AKAP13: variants seen among roughly 807,000 people sequenced by gnomAD.
The protein encoded by AKAP13 is A-kinase anchoring protein 13.
AKAP13 carries 80 observed loss-of-function variants against 264.5 expected under a neutral mutation model. That is an observed-to-expected ratio of 0.30 (90% CI 0.25 to 0.36). The LOEUF is 0.36. AKAP13 is among the 10% of genes least tolerant of loss of function. AKAP13 has a pLI of 1.00. For synonymous variants in AKAP13, 1,380 were observed against 1,250.2 expected (o/e 1.10, Z -2.19); for missense variants, 3,712 against 3,435.2 (o/e 1.08, Z -2.01).
At chr15:85,409,813 A>G (rs535633585) in intron 1 of AKAP13, among the ~76,000 whole-genome samples, 1 of 150,714 alleles carries the variant, frequency 6.6e-6, no homozygotes, top group East Asian at 2.0e-4. Context: ...TTGTATTTTT[A>G]GTAGAGACGG....
intron 2 of AKAP13, among the ~76,000 whole-genome samples, chr15:85,493,735 C>G (rs1048607918): frequency 6.6e-6 from 1 of 152,142 alleles, no homozygotes; most frequent in Non-Finnish European, 1.5e-5. Flanking sequence ...TACATGCCCC[C>G]TTTGTCTCTA....
chr15:85,651,789 G>T (rs1196467482), intron 10 of AKAP13, among the ~76,000 whole-genome samples: 1 of 151,998 alleles, frequency 6.6e-6, no homozygotes, highest in Non-Finnish European at 1.5e-5. Flanking sequence ...TTTTCCCACC[G>T]CAGATTAGTT....
intron 2 of AKAP13, 91 bp downstream of exon 2, chr15:85,485,844 A>T (rs2075524574): frequency 7.8e-7 from 1 of 1,278,356 alleles, no homozygotes; most frequent in African/African-American, 1.5e-5. Context: ...ATAGATCCTC[A>T]AGGAAAATTT....
At chr15:85,433,440 C>T (rs116921527) in intron 1 of AKAP13, among the ~76,000 whole-genome samples, 2,220 of 152,126 alleles carry the variant, frequency 0.015, 26 homozygotes, top group Non-Finnish European at 0.023. Flanking sequence ...TGGGCATTTT[C>T]GCTTTCCTAC....
chr15:85,504,853 C>G (rs112026940), intron 2 of AKAP13, among the ~76,000 whole-genome samples: 1 of 152,060 alleles, frequency 6.6e-6, no homozygotes, highest in Non-Finnish European at 1.5e-5. Flanking sequence ...GAGACACTCT[C>G]GCTTGCTCTT....
At chr15:85,630,497 A>G (rs189667716) in intron 8 of AKAP13, among the ~76,000 whole-genome samples, 21 of 152,268 alleles carry the variant, frequency 1.4e-4, no homozygotes, top group African/African-American at 5.1e-4. Context: ...CCGACCTAAC[A>G]TTTTCACATC....
intron 1 of AKAP13, among the ~76,000 whole-genome samples, chr15:85,388,998 A>G (rs2070725550): frequency 6.6e-6 from 1 of 152,184 alleles, no homozygotes; most frequent in Non-Finnish European, 1.5e-5. Context: ...AAGCTCCTGT[A>G]GTTTTCATTG....
chr15:85,694,897 A>G (rs1275337274), intron 17 of AKAP13, among the ~76,000 whole-genome samples: 4 of 152,196 alleles, frequency 2.6e-5, no homozygotes, highest in Non-Finnish European at 5.9e-5. Flanking sequence ...GTTTTCAGTC[A>G]TTTATGTTGG....
intron 8 of AKAP13, among the ~76,000 whole-genome samples, chr15:85,591,710 C>T (rs1049852296): frequency 7.2e-5 from 11 of 152,070 alleles, no homozygotes; most frequent in Non-Finnish European, 1.0e-4. Context: ...AAACCAATAT[C>T]GTATGTTGTA....
chr15:85,439,949 A>G (rs965465225), intron 1 of AKAP13, among the ~76,000 whole-genome samples: 2 of 148,686 alleles, frequency 1.3e-5, no homozygotes, highest in African/African-American at 4.9e-5. Flanking sequence ...ATGCACATGT[A>G]CCCTAAAACT....
chr15:85,653,987 G>C (rs933211210), intron 10 of AKAP13, among the ~76,000 whole-genome samples: 1 of 152,158 alleles, frequency 6.6e-6, no homozygotes, highest in Non-Finnish European at 1.5e-5. Flanking sequence ...CAGTAGCTGG[G>C]ATTACAGGCA....
At chr15:85,646,336 G>A (rs911000670) in intron 10 of AKAP13, among the ~76,000 whole-genome samples, 1 of 152,036 alleles carries the variant, frequency 6.6e-6, no homozygotes, top group Non-Finnish European at 1.5e-5. Flanking sequence ...TTAGCTGGAC[G>A]TGCTCACTTG....
intron 5 of AKAP13, among the ~76,000 whole-genome samples, chr15:85,549,197 A>C (rs2077864726): frequency 6.6e-6 from 1 of 152,210 alleles, no homozygotes; most frequent in Non-Finnish European, 1.5e-5. Flanking sequence ...CTAGTGTAAT[A>C]GATACTACTT....
chr15:85,658,448 T>A, intron 11 of AKAP13, 89 bp from the exon 12 acceptor site: 1 of 1,101,340 alleles, frequency 9.1e-7, no homozygotes, highest in Non-Finnish European at 1.4e-6. Flanking sequence ...GCAGTGTCTC[T>A]CTCCCCAGTG....
rs188745154 is a variant in AKAP13 at position 85,470,857 on chromosome 15, A to G, written c.-11-14853A>G. 1.6e-3 allele frequency among the ~76,000 whole-genome samples: 239 copies of G among 152,314 alleles called. 5 individuals are homozygous for G. The East Asian group carries it at 0.035, about 22-fold the overall frequency. On this transcript the variant is annotated intron_variant, in intron 1 of 36. Transcript: ENST00000394518. Reference sequence around the variant, plus strand: ...AGATGCAGTATCTCAGGAACATTCAATTTTATGCTTTCTCTGAGCTATAAC... The same window carrying G: ...AGATGCAGTATCTCAGGAACATTCAGTTTTATGCTTTCTCTGAGCTATAAC...
In AKAP13 at chr15:85,581,533, T is replaced by A. The variant is rs745607043; in HGVS notation, c.3465T>A (p.Leu1155=). Residue 1155 remains leucine, a synonymous_variant, in exon 7 of 37, where the codon CTT becomes CTA. Transcript: ENST00000394518. The stretch of plus-strand genomic sequence containing the variant: ...TTGGAACCCCAGAGATGATACCTCT[T>A]GATTGGGAGAAAGGGAAGCTGGAGG... ...QGVGTPEMIP[L]DWEKGKLEGA... is the part of the protein sequence containing the mutation. 6.2e-7 allele frequency: 1 copy of A among 1,614,056 alleles called. No individual in the cohort carries two copies. The highest frequency in any genetic ancestry group is 1.1e-5 in the South Asian group (1 of 91,082).
At chr15:85,583,844 G>A (rs1249153524) in intron 7 of AKAP13, among the ~76,000 whole-genome samples, 1 of 98,732 alleles carries the variant, frequency 1.0e-5, no homozygotes, top group Non-Finnish European at 2.9e-5. Context: ...TTTTGAGAAG[G>A]AAGAAAAATG....
At chr15:85,687,862 G>A (rs1195194160) in intron 16 of AKAP13, among the ~76,000 whole-genome samples, 1 of 152,030 alleles carries the variant, frequency 6.6e-6, no homozygotes, top group East Asian at 1.9e-4. Flanking sequence ...AGTATAGTGA[G>A]ACCTCATCTC....
chr15:85,670,003 T>G (rs1011745040), intron 14 of AKAP13, among the ~76,000 whole-genome samples, 173 bp downstream of exon 14: 15 of 152,348 alleles, frequency 9.8e-5, no homozygotes, highest in African/African-American at 3.1e-4. Context: ...TATCTTGAGA[T>G]CTTCTTCCTT....
Sources: allele counts gnomAD v4.1 joint callset (sites outside exome capture counted in the v4.1 genomes callset), GRCh38; gene constraint gnomAD v4.1.1; transcripts MANE v1.5; gene names NCBI Gene and HGNC (gene_info 2026-07-23, HGNC 2026-07-21).